PTCHD1: variants seen among roughly 807,000 people sequenced by gnomAD.
The protein encoded by PTCHD1 is patched domain-containing protein 1.
In PTCHD1, 3 loss-of-function variants were observed where a neutral mutation model predicts 34.6. That is an observed-to-expected ratio of 0.09 (90% CI 0.04 to 0.22). The LOEUF (loss-of-function observed/expected upper bound fraction) is 0.22, where lower values mean the gene tolerates loss of function less well. PTCHD1 is among the 10% of genes least tolerant of loss of function. PTCHD1 has a pLI of 1.00. For synonymous variants in PTCHD1, 305 were observed against 283.1 expected, an observed-to-expected ratio of 1.08 and a Z score of -0.77; for missense variants, 504 against 685.5, an observed-to-expected ratio of 0.74 and a Z score of 2.96.
rs1322570881 is a variant in PTCHD1 at position 23,396,961 on chromosome X, T to C, written c.*2776T>C. On this transcript the variant is annotated 3_prime_UTR_variant, in exon 3 of 3. Coordinates refer to ENST00000379361, the MANE Select transcript of PTCHD1 (RefSeq NM_173495.3). ...CACATCCCCATAAAATCTAAGTCTT[T>C]ACTTCATCAAGTTTTACTTTTTGAA... The C allele has an allele frequency of 5.3e-5, 6 of 112,430 alleles. No homozygotes were observed. The highest frequency in any genetic ancestry group is 7.5e-5 in the Non-Finnish European group (4 of 53,286). 9.3% of individuals were successfully genotyped at this position (112,430 alleles called of 1,213,427 possible). A position where few individuals can be genotyped will look rare whatever the true frequency, so the allele number is the denominator to read the frequency against.
chrX:23,394,449 CA>C lies in PTCHD1; in HGVS notation c.*265del, dbSNP rs1922933418. Reference sequence around the variant, plus strand: ...ACACACACACACACACACACACACACACCCTGGGAGACCTATAGTCTCTTAA... The same window carrying C: ...ACACACACACACACACACACACACACCCCTGGGAGACCTATAGTCTCTTAA... On this transcript the variant is annotated 3_prime_UTR_variant, in exon 3 of 3. Transcript: ENST00000379361. The C allele has an allele frequency of 2.0e-5, 6 of 306,612 alleles. No individual in the cohort carries two copies. Among genetic ancestry groups the C allele is most frequent in the East Asian group, 1.7e-4 (3 of 17,218 alleles). 25.3% of individuals were successfully genotyped at this position (306,612 alleles called of 1,213,427 possible).
chrX:23,334,814 C>T (rs1921114427), upstream of PTCHD1: 1 of 784,898 alleles, frequency 1.3e-6, no homozygotes, highest in East Asian at 5.4e-5. Flanking sequence ...CCGCCGCCGC[C>T]GCCGCCCGAA....
At chrX:23,334,731 T>A (rs1449274764), upstream of PTCHD1, 3 of 109,984 alleles carry the variant, frequency 2.7e-5, no homozygotes, top group East Asian at 9.6e-4. Context: ...GTGCCGCGGC[T>A]CCGGGAGAGC....
chrX:23,348,715 G>T (rs1326507773), intron 1 of PTCHD1, among the ~76,000 whole-genome samples: 1 of 111,566 alleles, frequency 9.0e-6, no homozygotes, highest in East Asian at 2.8e-4. Context: ...TCAAAGTGAA[G>T]GAGATATAAA....
intron 2 of PTCHD1, among the ~76,000 whole-genome samples, chrX:23,381,181 TG>T (rs1922555813): frequency 8.9e-6 from 1 of 112,476 alleles, no homozygotes; most frequent in Non-Finnish European, 1.9e-5. Context: ...GCGATGCTGA[TG>T]GTGACAGCGT....
At chrX:23,360,155 G>T (rs1000216269) in intron 1 of PTCHD1, among the ~76,000 whole-genome samples, 24 of 112,010 alleles carry the variant, frequency 2.1e-4, no homozygotes, top group African/African-American at 6.5e-4. Flanking sequence ...GGATGATGCT[G>T]GCCTCATAAA....
chrX:23,391,286 A>G (rs1164501375), intron 2 of PTCHD1, among the ~76,000 whole-genome samples: 1 of 111,654 alleles, frequency 9.0e-6, no homozygotes, highest in East Asian at 2.8e-4. Flanking sequence ...CCACTATCAA[A>G]TAGCGCGGAG....
chrX:23,358,911 C>G (rs147984494), intron 1 of PTCHD1, among the ~76,000 whole-genome samples: 1 of 111,585 alleles, frequency 9.0e-6, no homozygotes, highest in African/African-American at 3.3e-5. Flanking sequence ...GGGAATCCTT[C>G]CCACATTTCT....
At chrX:23,360,306 A>C (rs1247163645) in intron 1 of PTCHD1, among the ~76,000 whole-genome samples, 1 of 111,312 alleles carries the variant, frequency 9.0e-6, no homozygotes, top group Admixed American at 9.6e-5. Flanking sequence ...TAGGCTATTA[A>C]TTATTGCCTC....
chrX:23,334,984 A>C lies in PTCHD1; in HGVS notation c.109A>C (p.Ile37Leu). 1 of 1,209,518 alleles carries C rather than the reference A, an allele frequency of 8.3e-7. No individual in the cohort carries two copies. The highest frequency in any genetic ancestry group is 1.1e-6 in the Non-Finnish European group (1 of 894,582). The change falls in exon 1 of 3, where the codon ATC becomes CTC. Residue 37 changes from isoleucine (I) to leucine (L), a missense_variant. By Grantham distance (5) the Ile-to-Leu change is conservative (BLOSUM62 2). Transcript: ENST00000379361. ...CGCCTCGGCGCCGGTGCTCATCTCCATCCTGCTCGGCGCCAGCTTCAGCCG... is the reference window on the plus strand; with the variant it reads ...CGCCTCGGCGCCGGTGCTCATCTCCCTCCTGCTCGGCGCCAGCTTCAGCCG... ...FFASAPVLIS[I>L]LLGASFSRYQ...
chrX:23,367,455 C>T (rs1050976174), intron 1 of PTCHD1, among the ~76,000 whole-genome samples: 3 of 111,704 alleles, frequency 2.7e-5, no homozygotes, highest in Non-Finnish European at 5.6e-5. Flanking sequence ...ATCTTTGCTC[C>T]GGGCTGGGCA....
At chrX:23,363,673 A>T (rs912350691) in intron 1 of PTCHD1, among the ~76,000 whole-genome samples, 5 of 112,768 alleles carry the variant, frequency 4.4e-5, no homozygotes, top group African/African-American at 1.3e-4. Flanking sequence ...CTGTCCAACC[A>T]GTCCCAGTGA....
rs1190909019 is a variant in PTCHD1 at position 23,347,447 on chromosome X, A to G, written c.351+12221A>G. On this transcript the variant is annotated intron_variant, in intron 1 of 2. Transcript: ENST00000379361. ...ATCCAACGTCAACAAGAGAGACAAA[A>G]ACAAGGACAGTAGAGGAAATTAAAG... 2.7e-5 allele frequency among the ~76,000 whole-genome samples: 3 copies of G among 112,137 alleles called. No individual in the cohort carries two copies. In the East Asian group the frequency reaches 8.4e-4, roughly 31 times the overall value.
chrX:23,393,122 C>T lies in PTCHD1; in HGVS notation c.1604C>T (p.Ala535Val), dbSNP rs761600819. The part of the protein sequence containing the change: ...GSDLSNIVAT[A>V]TQTIEYTTAQ... Reference sequence around the variant, plus strand: ...GACCTTAGTAACATTGTAGCAACCGCGACACAAACCATTGAGTACACTACT... The same window carrying T: ...GACCTTAGTAACATTGTAGCAACCGTGACACAAACCATTGAGTACACTACT... Residue 535 changes from alanine (A) to valine (V), a missense_variant, in exon 3 of 3, where the codon GCG becomes GTG. Ala to Val is a moderately conservative substitution (Grantham distance 64, BLOSUM62 0). Coordinates refer to ENST00000379361, the MANE Select transcript of PTCHD1 (RefSeq NM_173495.3). 4 of 1,211,017 alleles carry T rather than the reference C, an allele frequency of 3.3e-6. No individual in the cohort carries two copies. The highest frequency in any genetic ancestry group is 1.8e-5 in the South Asian group (1 of 56,943).
At position 23,401,527 on chromosome X, in the gene PTCHD1, A is replaced by G. The variant is rs1231092468; in HGVS notation, c.*7342A>G. 8.9e-6 allele frequency: 1 copy of G among 112,747 alleles called. No homozygotes were observed. The highest frequency in any genetic ancestry group is 3.2e-5 in the African/African-American group (1 of 31,016). The allele number at this position is 112,747 out of a possible 1,213,427, so 9.3% of individuals were successfully genotyped here. A position where few individuals can be genotyped will look rare whatever the true frequency, so the allele number is the denominator to read the frequency against. ...CACACACATACACATTGACACACAT[A>G]AATGTACACATGCATATATGTGTGT... is the stretch of plus-strand genomic sequence containing the variant. On this transcript the variant is annotated 3_prime_UTR_variant, in exon 3 of 3. Transcript: ENST00000379361.
At chrX:23,338,026 A>G (rs57249341) in intron 1 of PTCHD1, among the ~76,000 whole-genome samples, 20,597 of 111,290 alleles carry the variant, frequency 0.19, 1,805 homozygotes, top group African/African-American at 0.34. Context: ...CTGTATTTCA[A>G]AAATCCAGCT....
intron 1 of PTCHD1, among the ~76,000 whole-genome samples, chrX:23,352,713 G>A (rs948880331): frequency 9.0e-6 from 1 of 111,181 alleles, no homozygotes; most frequent in Non-Finnish European, 1.9e-5. Flanking sequence ...CAAATATACT[G>A]TACCCAAGCC....
intron 1 of PTCHD1, among the ~76,000 whole-genome samples, chrX:23,356,758 T>G (rs1254318751): frequency 8.9e-6 from 1 of 111,768 alleles, no homozygotes; most frequent in Non-Finnish European, 1.9e-5. Context: ...CAAGGACAAA[T>G]ATGGGATTTC....
chrX:23,392,463 C>G, intron 2 of PTCHD1, 68 bp from the exon 3 acceptor site: 2 of 735,322 alleles, frequency 2.7e-6, no homozygotes, highest in South Asian at 4.3e-5. Flanking sequence ...CCCTCATAAT[C>G]AAGTTGATTT....
Sources: gnomAD v4.1 joint callset for allele counts (sites outside exome capture counted in the v4.1 genomes callset) on GRCh38, gnomAD v4.1.1 for gene constraint, MANE v1.5 for transcripts, NCBI Gene and HGNC (gene_info 2026-07-23, HGNC 2026-07-21) for gene names.